The following SEPTIN9 variants were observed in gnomAD, a reference collection of about 807,000 sequenced individuals.
SEPTIN9 encodes the protein septin-9.
SEPTIN9 carries 13 observed loss-of-function variants against 56.6 expected under a neutral mutation model. The observed-to-expected ratio is 0.23, with a 90% CI of 0.15 to 0.37. The LOEUF is 0.37. Ranked by LOEUF, SEPTIN9 falls within the 10% of genes least tolerant of loss-of-function variation. SEPTIN9 has a pLI of 1.00. For synonymous variants in SEPTIN9, 332 were observed against 334.1 expected, an observed-to-expected ratio of 0.99 and a Z score of 0.07; for missense variants, 650 against 823.1, an observed-to-expected ratio of 0.79 and a Z score of 2.57.
rs2033170867 is a variant in SEPTIN9 at position 77,327,214 on chromosome 17, A to G, written c.76+20017A>G. ...CCTCCGGCCCCACCACCCCTCCTGT[A>G]GTGGTCTCGCTGGCTGCTGCCCTCA... On this transcript the variant is annotated intron_variant, in intron 2 of 11. Transcript: ENST00000427177. The surrounding 1 kb of genome is among the most constrained non-coding windows in gnomAD (Gnocchi z 5.0). 6.6e-6 allele frequency among the ~76,000 whole-genome samples: 1 copy of G among 151,730 alleles called. No individual in the cohort carries two copies. The highest frequency in any genetic ancestry group is 1.5e-5 in the Non-Finnish European group (1 of 67,900).
intron 3 of SEPTIN9, among the ~76,000 whole-genome samples, chr17:77,455,342 C>T (rs762409849): frequency 3.9e-5 from 6 of 152,298 alleles, no homozygotes; most frequent in South Asian, 2.1e-4. Context: ...TCTGTCCCGT[C>T]GAGCCTGGCT....
At chr17:77,345,754 AG>A (rs2033870807) in intron 2 of SEPTIN9, among the ~76,000 whole-genome samples, 1 of 152,218 alleles carries the variant, frequency 6.6e-6, no homozygotes, top group South Asian at 2.1e-4. Context: ...AAGGCCTGGC[AG>A]CTCCCCACAG....
intron 2 of SEPTIN9, among the ~76,000 whole-genome samples, chr17:77,345,934 G>GTT (rs1213678365): frequency 2.1e-4 from 2 of 9,638 alleles, no homozygotes; most frequent in African/African-American, 9.2e-4. Context: ...TTTTTTTGTT[G>GTT]TTTTGTTTTG....
chr17:77,289,554 C>G (rs1375372152), intron 1 of SEPTIN9, among the ~76,000 whole-genome samples: 2 of 151,418 alleles, frequency 1.3e-5, no homozygotes, highest in Non-Finnish European at 2.9e-5. Flanking sequence ...GATTACAGGC[C>G]TGCGTCACCA....
intron 3 of SEPTIN9, among the ~76,000 whole-genome samples, chr17:77,431,001 AAAAG>A (rs200112700): frequency 0.013 from 1,693 of 135,138 alleles, 42 homozygotes; most frequent in South Asian, 0.084. Flanking sequence ...AAAAAAAAAA[AAAAG>A]AAGAAGAACA....
chr17:77,358,788 T>TGA (rs2143840325), intron 2 of SEPTIN9, among the ~76,000 whole-genome samples: 1 of 152,332 alleles, frequency 6.6e-6, no homozygotes, highest in South Asian at 2.1e-4. Context: ...CGTATAAAGA[T>TGA]GAGACCCCTG....
chr17:77,328,959 G>A (rs538655619), intron 2 of SEPTIN9, among the ~76,000 whole-genome samples: 1 of 152,316 alleles, frequency 6.6e-6, no homozygotes, highest in South Asian at 2.1e-4. Flanking sequence ...ACCCAGCCAG[G>A]CCAAAATCCA....
Position 77,323,101 on chromosome 17 carries a change from A to G in SEPTIN9, c.76+15904A>G, listed in dbSNP as rs1274025944. On this transcript the variant is annotated intron_variant, in intron 2 of 11. Transcript: ENST00000427177. The surrounding 1 kb of genome is among the most constrained non-coding windows in gnomAD (Gnocchi z 6.8). ...CCCCAGGGAAGGCTTAGGAGCCCCA[A>G]GACCTGCCCTCTTGTCCCTCCCTCG... Among the ~76,000 whole-genome samples the G allele has an allele frequency of 2.0e-5, 3 of 152,156 alleles. No homozygotes were observed. The highest frequency in any genetic ancestry group is 2.1e-4 in the South Asian group (1 of 4,824).
rs2037865737 is a variant in SEPTIN9, at chr17:77,449,030, C to T, written c.722-33114C>T. ...AACTCCTGACCTCAGGTGATCTGCC[C>T]ACCTCAGCCTCCCAAAGTGCTGGTA... On this transcript the variant is annotated intron_variant, in intron 3 of 11. Coordinates refer to ENST00000427177, the MANE Select transcript of SEPTIN9 (RefSeq NM_001113491.2). This position sits in a 1 kb window ranked among gnomAD's most constrained non-coding sequence, Gnocchi z 4.6. Among the ~76,000 whole-genome samples the T allele has an allele frequency of 6.6e-6, 1 of 152,110 alleles. No individual in the cohort carries two copies. Among genetic ancestry groups the T allele is most frequent in the African/African-American group, 2.4e-5 (1 of 41,424 alleles).
At position 77,456,190 on chromosome 17, in the gene SEPTIN9, G is replaced by C. The variant is rs2038194425; in HGVS notation, c.722-25954G>C. Among the ~76,000 whole-genome samples, 1 of 151,924 alleles carries C rather than the reference G, an allele frequency of 6.6e-6. No homozygotes were observed. The highest frequency in any genetic ancestry group is 2.4e-5 in the African/African-American group (1 of 41,342). The stretch of plus-strand genomic sequence containing the variant: ...GGAGAATCGCTGCTGTCTGTAGCTG[G>C]GGGGCCGGGTGGGTGGGAGCCGAGG... On this transcript the variant is annotated intron_variant, in intron 3 of 11. Transcript: ENST00000427177. This position sits in a 1 kb window ranked among gnomAD's most constrained non-coding sequence, Gnocchi z 6.0.
At chr17:77,341,802 G>C (rs1303648157) in intron 2 of SEPTIN9, among the ~76,000 whole-genome samples, 1 of 143,132 alleles carries the variant, frequency 7.0e-6, no homozygotes, top group Non-Finnish European at 1.5e-5. Context: ...AAAAAAAAGG[G>C]CCGGGCGCAG....
chr17:77,415,297 G>A (rs185562470), intron 3 of SEPTIN9, among the ~76,000 whole-genome samples: 6 of 152,202 alleles, frequency 3.9e-5, no homozygotes, highest in Middle Eastern at 3.4e-3. Flanking sequence ...TCTCCATGCC[G>A]GTAATGTTTG....
At chr17:77,311,136 C>T (rs1044869705) in intron 2 of SEPTIN9, among the ~76,000 whole-genome samples, 2 of 151,968 alleles carry the variant, frequency 1.3e-5, no homozygotes, top group South Asian at 2.1e-4. Context: ...ACAGACACAC[C>T]GGGGAGAGCC....
chr17:77,302,983 C>T (rs766989010), intron 1 of SEPTIN9, among the ~76,000 whole-genome samples: 8 of 152,148 alleles, frequency 5.3e-5, no homozygotes, highest in Non-Finnish European at 8.8e-5. Context: ...TCGGCATCTG[C>T]TCTCTGGCTT....
intron 1 of SEPTIN9, among the ~76,000 whole-genome samples, chr17:77,283,782 G>A (rs555795094): frequency 1.4e-4 from 21 of 152,294 alleles, no homozygotes; most frequent in East Asian, 5.8e-4. Context: ...CTCAAGTACC[G>A]TGGGTCTATA....
chr17:77,473,258 T>G (rs1210581655), intron 3 of SEPTIN9, among the ~76,000 whole-genome samples: 1 of 152,238 alleles, frequency 6.6e-6, no homozygotes, highest in African/African-American at 2.4e-5. Flanking sequence ...CTGCTCTCCC[T>G]CTTCTCTAGC....
Position 77,487,336 on chromosome 17 carries a change from C to A in SEPTIN9, c.914-88C>A. 7.1e-7 allele frequency: 1 copy of A among 1,406,764 alleles called. No homozygotes were observed. 87.1% of individuals were successfully genotyped at this position (1,406,764 alleles called of 1,614,324 possible). ...CACTGCTGAATCTCAGACTGGAGAG[C>A]CTCGTGCCTGGGTGGGAGGGGCCCC... On this transcript the variant is annotated intron_variant, in intron 4 of 11. Coordinates refer to ENST00000427177, the MANE Select transcript of SEPTIN9 (RefSeq NM_001113491.2). The surrounding 1 kb of genome is among the most constrained non-coding windows in gnomAD (Gnocchi z 4.3).
intron 3 of SEPTIN9, among the ~76,000 whole-genome samples, chr17:77,416,655 C>T (rs78677510): frequency 2.5e-3 from 379 of 152,308 alleles, no homozygotes; most frequent in Admixed American, 5.2e-3. Context: ...CACTCTGGTC[C>T]GAGGACAGTC....
chr17:77,488,279 T>C lies in SEPTIN9; in HGVS notation c.1082T>C (p.Ile361Thr), dbSNP rs999472801. The C allele has an allele frequency of 1.2e-6, 2 of 1,613,768 alleles. No homozygotes were observed. Among genetic ancestry groups the C allele is most frequent in the Non-Finnish European group, 1.7e-6 (2 of 1,179,856 alleles). ...GGCGTCCGGATGAAGCTGACAGTGA[T>C]TGACACACCAGGGTTCGGGGACCAC... ...EKGVRMKLTV[I>T]DTPGFGDHIN... Residue 361 changes from isoleucine (I) to threonine (T), a missense_variant, in exon 6 of 12, where the codon ATT becomes ACT. Ile to Thr is a moderately conservative substitution (Grantham distance 89). Transcript: ENST00000427177.
Sources: gnomAD v4.1 joint callset for allele counts (sites outside exome capture counted in the v4.1 genomes callset) on GRCh38, gnomAD v4.1.1 for gene constraint, Gnocchi (gnomAD v3.1) non-coding constraint, MANE v1.5 for transcripts, NCBI Gene and HGNC (gene_info 2026-07-23, HGNC 2026-07-21) for gene names.